The following PIEZO1 variants were observed in gnomAD, a reference collection of about 807,000 sequenced individuals.
PIEZO1 encodes the protein piezo type mechanosensitive ion channel component 1 (Er blood group).
A neutral mutation model predicts 297.2 loss-of-function variants in PIEZO1; 296 were observed. The observed-to-expected ratio is 1.00, with a 90% CI of 0.91 to 1.10. The LOEUF is 1.10. Ranked by LOEUF, PIEZO1 falls within the 50% of genes least tolerant of loss-of-function variation. The probability of loss-of-function intolerance (pLI) is 0.00; values close to 1 mark genes in which losing one functional copy is unlikely to be tolerated. For synonymous variants in PIEZO1, 2,427 were observed against 1,507.5 expected (o/e 1.61, Z -14.13); for missense variants, 5,018 against 3,455.5 (o/e 1.45, Z -11.34).
intron 5 of PIEZO1, chr16:88,739,029 C>G: frequency 2.0e-6 from 1 of 496,468 alleles, no homozygotes. Flanking sequence ...ATGACCTTGC[C>G]AGGTACAGAC....
rs1367640591 is a variant in PIEZO1 at position 88,717,152 on chromosome 16, G to A, written c.6531C>T (p.Gly2177=). The part of the protein sequence containing the change: ...KKKIVKYGMG[G]LIILFLIAII... ...TGGCGATGAGGAAGAGGATGATGAGGCCACCCATGCCGTACTTGACGATCT... is the reference window on the plus strand; with the variant it reads ...TGGCGATGAGGAAGAGGATGATGAGACCACCCATGCCGTACTTGACGATCT... Residue 2177 remains glycine, a synonymous_variant, in exon 45 of 51, where the codon GGC becomes GGT. Transcript: ENST00000301015. 1 of 1,551,136 alleles carries A rather than the reference G, an allele frequency of 6.4e-7. No homozygotes were observed.
chr16:88,756,858 G>C (rs558825467), intron 1 of PIEZO1, among the ~76,000 whole-genome samples: 13 of 151,924 alleles, frequency 8.6e-5, no homozygotes, highest in Non-Finnish European at 1.6e-4. Flanking sequence ...GGGCAGATCA[G>C]AAGGTCAGGA....
rs1290491339 is a variant in PIEZO1, at chr16:88,726,268, C to G, written c.3968+16G>C. On this transcript the variant is annotated intron_variant, in intron 27 of 50. Coordinates refer to ENST00000301015, the MANE Select transcript of PIEZO1 (RefSeq NM_001142864.4). ...CCAAGACGGGAGCTCTGGGCTGTGT[C>G]TGGGCCCAAGCTTGCCTGGAGGCTA... The G allele has an allele frequency of 6.5e-7, 1 of 1,542,028 alleles. No individual in the cohort carries two copies. Among genetic ancestry groups the G allele is most frequent in the East Asian group, 2.4e-5 (1 of 40,894 alleles).
Position 88,784,940 on chromosome 16 carries a change from C to T in PIEZO1, c.25G>A (p.Val9Ile). 7.2e-7 allele frequency: 1 copy of T among 1,396,974 alleles called. No individual in the cohort carries two copies. The highest frequency in any genetic ancestry group is 9.4e-7 in the Non-Finnish European group (1 of 1,068,268). The allele number at this position is 1,396,974 out of a possible 1,614,324, so 86.5% of individuals were successfully genotyped here. The part of the protein sequence containing the change: MEPHVLGA[V>I]LYWLLLPCAL... ...CAGGGCAGCAGCAGCCAGTACAGGA[C>T]CGCGCCGAGCACGTGCGGCTCCATG... Residue 9 changes from valine to isoleucine, a missense_variant, in exon 1 of 51, where the codon GTC (valine) becomes ATC (isoleucine). Val to Ile is a conservative substitution (Grantham distance 29, BLOSUM62 3). Transcript: ENST00000301015.
chr16:88,744,521 G>C (rs1241104674), intron 2 of PIEZO1, among the ~76,000 whole-genome samples: 1 of 151,586 alleles, frequency 6.6e-6, no homozygotes, highest in African/African-American at 2.4e-5. Context: ...TGCCTGACCA[G>C]AGACCCCTGG....
At chr16:88,731,549 T>C in intron 22 of PIEZO1, 157 bp downstream of exon 22, 2 of 586,560 alleles carry the variant, frequency 3.4e-6, no homozygotes, top group Admixed American at 3.1e-5. Context: ...ATGCAGGTGA[T>C]GGCGCCTGGG....
chr16:88,739,067 A>C, intron 5 of PIEZO1: 19 of 307,554 alleles, frequency 6.2e-5, no homozygotes, highest in Non-Finnish European at 7.9e-5. Context: ...ATACCACCTC[A>C]TCTCCCCGAA....
At chr16:88,750,219 C>G (rs1906316329) in intron 1 of PIEZO1, among the ~76,000 whole-genome samples, 1 of 152,006 alleles carries the variant, frequency 6.6e-6, no homozygotes, top group South Asian at 2.1e-4. Context: ...ACCTGTAATT[C>G]CAGCTACTCA....
rs775806041 is a variant in PIEZO1 at position 88,720,125 on chromosome 16, C to T, written c.6108G>A (p.Ala2036=). Residue 2036 remains alanine (A), a synonymous_variant, in exon 42 of 51, where the codon GCG becomes GCA. Coordinates refer to ENST00000301015, the MANE Select transcript of PIEZO1 (RefSeq NM_001142864.4). ...TCCATAGGTGGATGGCCAGCACCAG[C>T]GCCACCTGGAAGGCCAGCTTGCCCA... ...TVLGKLAFQV[A]LVLAIHLWMF... 75 of 1,550,414 alleles carry T rather than the reference C, an allele frequency of 4.8e-5. No individual in the cohort carries two copies. In the East Asian group the frequency reaches 1.3e-3, roughly 26 times the overall value.
rs587776987 is a variant in PIEZO1, at chr16:88,716,885, A to G, written c.6674T>C (p.Met2225Thr). The change falls in exon 46 of 51, where the codon ATG (methionine) becomes ACG (threonine). Residue 2225 changes from methionine to threonine, a missense_variant. By Grantham distance (81) the Met-to-Thr change is moderately conservative. Transcript: ENST00000301015. ...GATGATGGACGGCTGCTGGGCGCTC[A>G]TGGTGAACAGCGGCTGGGGCAGGCA... ...KLGGYEPLFT[M>T]SAQQPSIIPF... is the part of the protein sequence containing the mutation. 4 of 1,549,966 alleles carry G rather than the reference A, an allele frequency of 2.6e-6. No individual in the cohort carries two copies. Among genetic ancestry groups the G allele is most frequent in the Middle Eastern group, 1.7e-4 (1 of 5,988 alleles).
chr16:88,737,459 G>A lies in PIEZO1; in HGVS notation c.1195+100C>T, dbSNP rs544766921. On this transcript the variant is annotated intron_variant, in intron 10 of 50. Transcript: ENST00000301015. ...CCGAGGGGGCGGCAGGCAGAGGTGC[G>A]GCGCGAGCATGCGAGAGCGCCAGGC... 2.7e-5 allele frequency: 21 copies of A among 783,940 alleles called. 1 individual carries two copies. The East Asian group carries it at 3.4e-4, about 13-fold the overall frequency. 48.6% of individuals were successfully genotyped at this position (783,940 alleles called of 1,614,324 possible).
intron 1 of PIEZO1, among the ~76,000 whole-genome samples, chr16:88,754,637 C>T (rs938774574): frequency 7.9e-5 from 12 of 152,236 alleles, no homozygotes; most frequent in African/African-American, 2.9e-4. Flanking sequence ...CTTTCACAAC[C>T]TGGACACCTC....
chr16:88,723,414 G>C (rs1904298683), intron 31 of PIEZO1, 86 bp from the exon 32 acceptor site: 7 of 1,445,290 alleles, frequency 4.8e-6, no homozygotes, highest in African/African-American at 1.4e-5. Context: ...CCGGGCGCCA[G>C]ATCCAGATCC....
At chr16:88,760,370 T>C (rs4782509) in intron 1 of PIEZO1, among the ~76,000 whole-genome samples, 104,550 of 152,180 alleles carry the variant, frequency 0.69, 36,807 homozygotes, top group African/African-American at 0.85. Flanking sequence ...GCCCAGTCTA[T>C]ACTCTCTGTC....
At chr16:88,756,454 T>C (rs759942601) in intron 1 of PIEZO1, among the ~76,000 whole-genome samples, 15 of 152,156 alleles carry the variant, frequency 9.9e-5, no homozygotes, top group Non-Finnish European at 1.6e-4. Context: ...CTGAGTGCTG[T>C]ACAAAACTGG....
chr16:88,716,181 C>T lies in PIEZO1; in HGVS notation c.7129+17G>A. 6.6e-7 allele frequency: 1 copy of T among 1,511,966 alleles called. No individual in the cohort carries two copies. Among genetic ancestry groups the T allele is most frequent in the Non-Finnish European group, 8.9e-7 (1 of 1,124,510 alleles). The allele number at this position is 1,511,966 out of a possible 1,614,324, so 93.7% of individuals were successfully genotyped here. A position where few individuals can be genotyped will look rare whatever the true frequency, so the allele number is the denominator to read the frequency against. On this transcript the variant is annotated intron_variant, in intron 49 of 50. Transcript: ENST00000301015. ...CACCCCTCTCTAGCCTCCCCCAACC[C>T]CCACGCCCATACTCACTGGGCTGCA...
chr16:88,737,985 G>A lies in PIEZO1; in HGVS notation c.969C>T (p.Cys323=), dbSNP rs1251954789. The A allele has an allele frequency of 1.3e-6, 2 of 1,534,932 alleles. No individual in the cohort carries two copies. The highest frequency in any genetic ancestry group is 8.7e-7 in the Non-Finnish European group (1 of 1,146,428). The change falls in exon 8 of 51, where the codon TGC becomes TGT. Residue 323 remains cysteine (C), a synonymous_variant. Transcript: ENST00000301015. ...GCTTGCGCAGAGAGGCCGTGGCGTA[G>A]CACAGCAGCAGGAGGACGCCGGGGC... ...YASPGVLLLL[C]YATASLRKLR...
chr16:88,751,324 A>G (rs1330279651), intron 1 of PIEZO1, among the ~76,000 whole-genome samples: 1 of 152,182 alleles, frequency 6.6e-6, no homozygotes. Flanking sequence ...GGCACCGTGG[A>G]GCTGACGCTT....
At position 88,726,886 on chromosome 16, in the gene PIEZO1, G is replaced by A. The variant is rs1904482424; in HGVS notation, c.3528C>T (p.Val1176=). ...LFWLVLVVVF[V]TGATRISIFG... ...AGATGCTGATGCGGGTGGCCCCCGT[G>A]ACAAACACCACCACCAGCACCAGCC... is the stretch of plus-strand genomic sequence containing the variant. The change falls in exon 25 of 51, where the codon GTC becomes GTT. Residue 1176 remains valine, a synonymous_variant. Transcript: ENST00000301015. 1.9e-6 allele frequency: 3 copies of A among 1,550,308 alleles called. No individual in the cohort carries two copies. Among genetic ancestry groups the A allele is most frequent in the Non-Finnish European group, 2.6e-6 (3 of 1,146,940 alleles).
Sources: allele counts gnomAD v4.1 joint callset (sites outside exome capture counted in the v4.1 genomes callset), GRCh38; gene constraint gnomAD v4.1.1; transcripts MANE v1.5; gene names NCBI Gene and HGNC (gene_info 2026-07-23, HGNC 2026-07-21).